Variants in KLF16 observed in about 807,000 individuals in gnomAD.
The protein encoded by KLF16 is KLF transcription factor 16, also known as Krueppel-like factor 16.
Under a neutral mutation model 6.1 loss-of-function variants are expected in KLF16, and 6 were observed. The observed-to-expected ratio is 0.98, with a 90% CI of 0.54 to 1.93. The LOEUF (loss-of-function observed/expected upper bound fraction) is 1.93, where lower values mean the gene tolerates loss of function less well. Among genes scored for constraint, KLF16 ranks in the 30% most tolerant of loss-of-function variants. The pLI is 0.01. For synonymous variants in KLF16, 211 were observed against 176.5 expected, an observed-to-expected ratio of 1.20 and a Z score of -1.55; for missense variants, 355 against 363.8, an observed-to-expected ratio of 0.98 and a Z score of 0.20.
chr19:1,869,150 G>A, the KLF16 span, among the ~76,000 whole-genome samples: 2 of 152,166 alleles, frequency 1.3e-5, no homozygotes, highest in Non-Finnish European at 2.9e-5. Context: ...CAGAGAGCCC[G>A]GGGTTTCACT....
In KLF16 at chr19:1,857,192, G is replaced by A. The variant is rs1473427186; in HGVS notation, c.458-2432C>T. ...GCGCACGTGGGTGGCGGGGCAGGGG[G>A]TGCACGGGCTACCCACCCACGCTGC... On this transcript the variant is annotated intron_variant, in intron 1 of 1. Coordinates refer to ENST00000250916, the MANE Select transcript of KLF16 (RefSeq NM_031918.4). The surrounding 1 kb of genome is among the most constrained non-coding windows in gnomAD (Gnocchi z 4.7). Among the ~76,000 whole-genome samples, 2 of 152,188 alleles carry A rather than the reference G, an allele frequency of 1.3e-5. No homozygotes were observed. Among genetic ancestry groups the A allele is most frequent in the African/African-American group, 2.4e-5 (1 of 41,454 alleles).
At chr19:1,864,726 G>T (rs561971396), upstream of KLF16, among the ~76,000 whole-genome samples, 7 of 152,338 alleles carry the variant, frequency 4.6e-5, no homozygotes, top group Non-Finnish European at 7.3e-5. Flanking sequence ...GGGCCTCCCG[G>T]CCGCGAGGAC....
upstream of KLF16, chr19:1,863,712 C>T (rs1475665168): frequency 7.0e-6 from 1 of 143,526 alleles, no homozygotes; most frequent in East Asian, 2.1e-4. Flanking sequence ...CCGCCCCGCC[C>T]GGAGGACGCC....
Position 1,853,744 on chromosome 19 carries a change from T to C in KLF16, c.*715A>G, listed in dbSNP as rs541041678. 1.3e-5 allele frequency: 2 copies of C among 152,626 alleles called. No homozygotes were observed. Among genetic ancestry groups the C allele is most frequent in the East Asian group, 1.9e-4 (1 of 5,188 alleles). The allele number at this position is 152,626 out of a possible 1,614,324, so 9.5% of individuals were successfully genotyped here. A position where few individuals can be genotyped will look rare whatever the true frequency, so the allele number is the denominator to read the frequency against. The stretch of plus-strand genomic sequence containing the variant: ...TCCCTCCCGACCCCACTGAGTCAAA[T>C]GTTCTTTGGAAGAACCCAGAGGTCC... On this transcript the variant is annotated 3_prime_UTR_variant, in exon 2 of 2. Coordinates refer to ENST00000250916, the MANE Select transcript of KLF16 (RefSeq NM_031918.4).
At chr19:1,873,691 A>C in the KLF16 span, among the ~76,000 whole-genome samples, 1 of 152,172 alleles carries the variant, frequency 6.6e-6, no homozygotes, top group African/African-American at 2.4e-5. Context: ...GGGCCATACC[A>C]AGTGGGAGGT....
upstream of KLF16, among the ~76,000 whole-genome samples, chr19:1,866,582 C>A (rs975082994): frequency 4.0e-5 from 6 of 151,712 alleles, no homozygotes; most frequent in African/African-American, 1.5e-4. Context: ...CCACTGCACT[C>A]CAGCCTGGGT....
Position 1,863,038 on chromosome 19 carries a change from C to A in KLF16, c.457+3G>T. On this transcript the variant is annotated splice_donor_region_variant and intron_variant, in intron 1 of 1. Transcript: ENST00000250916. ...CAAGGGCCGGGATCGCGGCTGCACT[C>A]ACCTGTGTGCGTCCGCAGGTGCGAC... The A allele has an allele frequency of 7.2e-7, 1 of 1,385,444 alleles. No homozygotes were observed. The highest frequency in any genetic ancestry group is 1.3e-5 in the South Asian group (1 of 74,600). The allele number at this position is 1,385,444 out of a possible 1,614,324, so 85.8% of individuals were successfully genotyped here.
the KLF16 span, among the ~76,000 whole-genome samples, chr19:1,873,856 C>G: frequency 6.6e-6 from 1 of 152,206 alleles, no homozygotes; most frequent in Non-Finnish European, 1.5e-5. Flanking sequence ...CTCGGTTTAC[C>G]CCATGTGAGA....
rs553020586 is a variant in KLF16 at position 1,854,317 on chromosome 19, C to T, written c.*142G>A. ...GGCAGACCCAGGTCCAGTCTCAGGC[C>T]CCCTCCTCACTCTCTGGAGGGGGGC... On this transcript the variant is annotated 3_prime_UTR_variant, in exon 2 of 2. Transcript: ENST00000250916. 2.4e-5 allele frequency: 26 copies of T among 1,067,746 alleles called. No individual in the cohort carries two copies. In the African/African-American group the frequency reaches 3.0e-4, roughly 12 times the overall value. The allele number at this position is 1,067,746 out of a possible 1,614,324, so 66.1% of individuals were successfully genotyped here.
chr19:1,857,366 C>G lies in KLF16; in HGVS notation c.458-2606G>C, dbSNP rs1038676644. ...GGTGCACAGCCACCCAGCTGCTCCG[C>G]GCTACCTGGCCGAGACGCAGCGCCC... is the stretch of plus-strand genomic sequence containing the variant. On this transcript the variant is annotated intron_variant, in intron 1 of 1. Transcript: ENST00000250916. This position sits in a 1 kb window ranked among gnomAD's most constrained non-coding sequence, Gnocchi z 4.7. Among the ~76,000 whole-genome samples the G allele has an allele frequency of 1.3e-5, 2 of 152,222 alleles. No individual in the cohort carries two copies. The highest frequency in any genetic ancestry group is 4.8e-5 in the African/African-American group (2 of 41,462).
In KLF16 at chr19:1,853,692, G is replaced by A. The variant is rs2011884392; in HGVS notation, c.*767C>T. The stretch of plus-strand genomic sequence containing the variant: ...GCGAGCTAGGGCCCCCACACCCGAG[G>A]ACAGAGGAAAATAAATAAGCCAGGA... On this transcript the variant is annotated 3_prime_UTR_variant, in exon 2 of 2. Coordinates refer to ENST00000250916, the MANE Select transcript of KLF16 (RefSeq NM_031918.4). The A allele has an allele frequency of 6.6e-6, 1 of 152,654 alleles. No individual in the cohort carries two copies. Among genetic ancestry groups the A allele is most frequent in the Non-Finnish European group, 1.5e-5 (1 of 68,106 alleles). 9.5% of individuals were successfully genotyped at this position (152,654 alleles called of 1,614,324 possible). A position where few individuals can be genotyped will look rare whatever the true frequency, so the allele number is the denominator to read the frequency against.
At chr19:1,868,925 G>C in the KLF16 span, among the ~76,000 whole-genome samples, 1 of 152,088 alleles carries the variant, frequency 6.6e-6, no homozygotes, top group Non-Finnish European at 1.5e-5. Flanking sequence ...TTATAGGCGT[G>C]AGCCACCGCA....
upstream of KLF16, among the ~76,000 whole-genome samples, chr19:1,864,861 C>T (rs547581606): frequency 6.6e-6 from 1 of 152,354 alleles, no homozygotes; most frequent in African/African-American, 2.4e-5. Flanking sequence ...CGCTCCCGCC[C>T]CTTCCCAGCT....
chr19:1,868,607 T>C, the KLF16 span, among the ~76,000 whole-genome samples: 5 of 148,796 alleles, frequency 3.4e-5, no homozygotes, highest in Non-Finnish European at 7.4e-5. Flanking sequence ...GCCTCCTAGG[T>C]AGCTGGGATT....
Position 1,863,225 on chromosome 19 carries a change from G to T in KLF16, c.273C>A (p.Pro91=). 9.0e-7 allele frequency: 1 copy of T among 1,105,126 alleles called. No individual in the cohort carries two copies. The allele number at this position is 1,105,126 out of a possible 1,614,324, so 68.5% of individuals were successfully genotyped here. ...ASILADLRGG[P]GAAPGGASPA... ...GCGAGGCGCCCCCCGGGGCGGCTCC[G>T]GGTCCGCCGCGCAGGTCGGCCAGGA... Residue 91 remains proline, a synonymous_variant, in exon 1 of 2, where the codon CCC becomes CCA. Transcript: ENST00000250916.
upstream of KLF16, among the ~76,000 whole-genome samples, chr19:1,864,741 A>G (rs1346000536): frequency 6.6e-6 from 1 of 152,190 alleles, no homozygotes; most frequent in Non-Finnish European, 1.5e-5. Context: ...GAGGACGTCC[A>G]GGCCAACTTG....
At position 1,857,006 on chromosome 19, in the gene KLF16, G is replaced by A. The variant is rs2011966109; in HGVS notation, c.458-2246C>T. On this transcript the variant is annotated intron_variant, in intron 1 of 1. Coordinates refer to ENST00000250916, the MANE Select transcript of KLF16 (RefSeq NM_031918.4). This position sits in a 1 kb window ranked among gnomAD's most constrained non-coding sequence, Gnocchi z 4.7. ...CGCAGCCGCTGGGAACACAGCTGCC[G>A]CACGTAGCTCGGCGGCGGCGGCGGG... Among the ~76,000 whole-genome samples, 1 of 138,422 alleles carries A rather than the reference G, an allele frequency of 7.2e-6. No individual in the cohort carries two copies. Among genetic ancestry groups the A allele is most frequent in the Non-Finnish European group, 1.5e-5 (1 of 66,400 alleles). The allele number at this position is 138,422 out of a possible 152,430, so 90.8% of individuals were successfully genotyped here.
At chr19:1,872,826 G>A in the KLF16 span, among the ~76,000 whole-genome samples, 14 of 152,094 alleles carry the variant, frequency 9.2e-5, no homozygotes, top group East Asian at 2.7e-3. Flanking sequence ...GATCGACGTG[G>A]CCCGTGGCCG....
At chr19:1,870,522 A>G in the KLF16 span, among the ~76,000 whole-genome samples, 1 of 152,080 alleles carries the variant, frequency 6.6e-6, no homozygotes, top group African/African-American at 2.4e-5. Flanking sequence ...AAATACAATT[A>G]GCCAAGTGTG....
Sources: gnomAD v4.1 joint callset for allele counts (sites outside exome capture counted in the v4.1 genomes callset) on GRCh38, gnomAD v4.1.1 for gene constraint, Gnocchi (gnomAD v3.1) non-coding constraint, MANE v1.5 for transcripts, NCBI Gene and HGNC (gene_info 2026-07-23, HGNC 2026-07-21) for gene names.